RGS7: variants seen among roughly 807,000 people sequenced by gnomAD.
RGS7 encodes regulator of G protein signaling 7, also known as regulator of G-protein signaling 7.
RGS7 carries 27 observed loss-of-function variants against 81.1 expected under a neutral mutation model. The observed-to-expected ratio is 0.33, with a 90% CI of 0.25 to 0.46. The LOEUF is 0.46. RGS7 is among the 20% of genes least tolerant of loss of function. The probability of loss-of-function intolerance (pLI) is 1.00; values close to 1 mark genes in which losing one functional copy is unlikely to be tolerated. For missense variants in RGS7, 396 were observed against 607.4 expected (o/e 0.65, Z 3.66); for synonymous variants, 208 against 207.7 (o/e 1.00, Z -0.01).
chr1:241,068,238 G>GTGTGTA, intron 3 of RGS7, among the ~76,000 whole-genome samples: 18,987 of 36,502 alleles, frequency 0.52, 4,456 homozygotes, highest in Non-Finnish European at 0.64. Flanking sequence ...GTGTGTGTGT[G>GTGTGTA]TATATATATA....
At chr1:240,972,763 G>A (rs1259620167) in intron 4 of RGS7, among the ~76,000 whole-genome samples, 3 of 145,006 alleles carry the variant, frequency 2.1e-5, no homozygotes, top group African/African-American at 7.7e-5. Context: ...GCTTATACCT[G>A]TAATCCCAGC....
chr1:240,897,622 G>C (rs1019090019), intron 6 of RGS7, among the ~76,000 whole-genome samples: 1 of 152,172 alleles, frequency 6.6e-6, no homozygotes, highest in Non-Finnish European at 1.5e-5. Context: ...TTGCATCCCA[G>C]GGATAAAGCC....
intron 6 of RGS7, among the ~76,000 whole-genome samples, chr1:240,918,773 G>A (rs1268156458): frequency 6.6e-6 from 1 of 151,180 alleles, no homozygotes; most frequent in Non-Finnish European, 1.5e-5. Context: ...AATCAATAGA[G>A]AAATTCAACG....
chr1:240,998,451 C>T, intron 3 of RGS7: 1 of 882,598 alleles, frequency 1.1e-6, no homozygotes, highest in Non-Finnish European at 1.8e-6. Context: ...GAGGTTTCGT[C>T]AAAAAGACCA....
chr1:240,922,948 T>C (rs767379070), intron 6 of RGS7, among the ~76,000 whole-genome samples: 3 of 152,136 alleles, frequency 2.0e-5, no homozygotes, highest in Non-Finnish European at 2.9e-5. Flanking sequence ...ATATGTGGAA[T>C]TGATTAAGAT....
intron 9 of RGS7, among the ~76,000 whole-genome samples, chr1:240,834,404 G>C (rs1694332290): frequency 6.6e-6 from 1 of 152,196 alleles, no homozygotes; most frequent in Non-Finnish European, 1.5e-5. Context: ...AGAATCATAC[G>C]AAGTCAGCCT....
At chr1:240,815,789 A>T (rs1558296894) in intron 11 of RGS7, among the ~76,000 whole-genome samples, 1 of 152,130 alleles carries the variant, frequency 6.6e-6, no homozygotes, top group Non-Finnish European at 1.5e-5. Flanking sequence ...AACACCATTG[A>T]TCAAATGCTA....
chr1:240,823,389 G>A lies in RGS7; in HGVS notation c.684+3709C>T, dbSNP rs139046735. The A allele has an allele frequency of 2.5e-3, 1,106 of 435,330 alleles. 8 individuals carry two copies. Among genetic ancestry groups the A allele is most frequent in the Middle Eastern group, 0.01 (28 of 2,690 alleles). 27.0% of individuals were successfully genotyped at this position (435,330 alleles called of 1,614,324 possible). On this transcript the variant is annotated intron_variant, in intron 10 of 18. Coordinates refer to ENST00000440928, the MANE Select transcript of RGS7 (RefSeq NM_001364886.1). Reference sequence around the variant, plus strand: ...CCAGCGGCCTGGAGCCACGGCCGAAGCCCCGCACCACTTGGGCCCGGCAGA... The same window carrying A: ...CCAGCGGCCTGGAGCCACGGCCGAAACCCCGCACCACTTGGGCCCGGCAGA...
chr1:241,245,852 C>T (rs2076507049), intron 2 of RGS7, among the ~76,000 whole-genome samples: 1 of 151,318 alleles, frequency 6.6e-6, no homozygotes, highest in African/African-American at 2.4e-5. Context: ...TGCCTGTAAT[C>T]CCAGCACTTT....
intron 18 of RGS7, among the ~76,000 whole-genome samples, chr1:240,791,877 G>A (rs960502452): frequency 2.4e-4 from 37 of 152,206 alleles, no homozygotes; most frequent in African/African-American, 7.7e-4. Flanking sequence ...CCTTTAGACC[G>A]TTGATGGAAT....
intron 2 of RGS7, among the ~76,000 whole-genome samples, chr1:241,348,314 G>A (rs549566370): frequency 6.6e-6 from 1 of 152,310 alleles, no homozygotes; most frequent in East Asian, 1.9e-4. Flanking sequence ...GAATAGGTCA[G>A]ACTAAGTTCC....
chr1:240,938,177 C>T (rs891121308), intron 4 of RGS7, among the ~76,000 whole-genome samples: 10 of 152,254 alleles, frequency 6.6e-5, no homozygotes, highest in African/African-American at 2.4e-4. Flanking sequence ...TGCTCAAGTT[C>T]CCCACTTTGC....
intron 4 of RGS7, among the ~76,000 whole-genome samples, chr1:240,976,771 C>CG (rs199972272): frequency 6.9e-6 from 1 of 144,350 alleles, no homozygotes; most frequent in South Asian, 2.3e-4. Context: ...ATCTATCTAT[C>CG]ATCGATCTAT....
At chr1:240,856,339 C>T (rs533282163) in intron 9 of RGS7, among the ~76,000 whole-genome samples, 8 of 152,232 alleles carry the variant, frequency 5.3e-5, no homozygotes, top group East Asian at 3.9e-4. Flanking sequence ...TTTACACCCC[C>T]GTTCTACTTA....
At chr1:241,304,752 G>A (rs891735353) in intron 2 of RGS7, among the ~76,000 whole-genome samples, 2 of 152,102 alleles carry the variant, frequency 1.3e-5, no homozygotes, top group African/African-American at 4.8e-5. Context: ...TTACTGCGCT[G>A]GCTTAAAAAT....
At chr1:241,339,536 A>T (rs1018511535) in intron 2 of RGS7, among the ~76,000 whole-genome samples, 1 of 152,248 alleles carries the variant, frequency 6.6e-6, no homozygotes, top group Non-Finnish European at 1.5e-5. Flanking sequence ...GAAAACACAG[A>T]TTGTAATATC....
intron 2 of RGS7, among the ~76,000 whole-genome samples, chr1:241,309,254 C>T (rs1468340920): frequency 6.6e-6 from 1 of 151,700 alleles, no homozygotes; most frequent in Non-Finnish European, 1.5e-5. Context: ...GGCGTGGTGG[C>T]AGGCGCTTGT....
chr1:241,185,175 A>T (rs1306044939), intron 2 of RGS7, among the ~76,000 whole-genome samples: 1 of 152,220 alleles, frequency 6.6e-6, no homozygotes, highest in East Asian at 1.9e-4. Flanking sequence ...ATCACAAGAA[A>T]CTGTCCACAT....
chr1:241,340,403 CT>C, intron 2 of RGS7, among the ~76,000 whole-genome samples: 1 of 152,070 alleles, frequency 6.6e-6, no homozygotes, highest in Admixed American at 6.5e-5. Flanking sequence ...GATGGGGAGA[CT>C]AAACAAAGCC....
Sources: allele counts gnomAD v4.1 joint callset (sites outside exome capture counted in the v4.1 genomes callset), GRCh38; gene constraint gnomAD v4.1.1; transcripts MANE v1.5; gene names NCBI Gene and HGNC (gene_info 2026-07-23, HGNC 2026-07-21).